The following PIK3R5 variants were observed in gnomAD, a reference collection of about 807,000 sequenced individuals.
PIK3R5 encodes the protein phosphoinositide-3-kinase regulatory subunit 5, also known as phosphoinositide 3-kinase regulatory subunit 5.
PIK3R5 carries 32 observed loss-of-function variants against 94.9 expected under a neutral mutation model. That is an observed-to-expected ratio of 0.34 (90% CI 0.25 to 0.45). The LOEUF (loss-of-function observed/expected upper bound fraction) is 0.45. Ranked by LOEUF, PIK3R5 falls within the 20% of genes least tolerant of loss-of-function variation. The pLI, the probability that PIK3R5 is intolerant of heterozygous loss-of-function variation, is 1.00. For synonymous variants in PIK3R5, 443 were observed against 479.4 expected (o/e 0.92, Z 0.99); for missense variants, 853 against 1,144.6 (o/e 0.75, Z 3.68).
chr17:8,928,262 C>T (rs1430664939), intron 1 of PIK3R5, among the ~76,000 whole-genome samples: 1 of 152,072 alleles, frequency 6.6e-6, no homozygotes, highest in Non-Finnish European at 1.5e-5. Context: ...TAAAACTTGG[C>T]AATGGAGGCT....
intron 1 of PIK3R5, among the ~76,000 whole-genome samples, chr17:8,923,009 T>G (rs1454791704): frequency 6.6e-6 from 1 of 152,060 alleles, no homozygotes; most frequent in Non-Finnish European, 1.5e-5. Context: ...AGACCACAGT[T>G]GTGGTCAAGA....
At chr17:8,953,515 T>C (rs2091414804) in intron 1 of PIK3R5, among the ~76,000 whole-genome samples, 1 of 152,168 alleles carries the variant, frequency 6.6e-6, no homozygotes, top group African/African-American at 2.4e-5. Context: ...ACCCACAGGC[T>C]AATGTGTTGA....
intron 1 of PIK3R5, among the ~76,000 whole-genome samples, chr17:8,959,502 C>G (rs75699931): frequency 0.032 from 4,843 of 152,258 alleles, 92 homozygotes; most frequent in Middle Eastern, 0.068. Flanking sequence ...CTTTCGCTTT[C>G]ATCAGTTTTT....
chr17:8,908,857 C>G (rs1232058454), intron 3 of PIK3R5, among the ~76,000 whole-genome samples: 3 of 152,142 alleles, frequency 2.0e-5, no homozygotes, highest in Non-Finnish European at 4.4e-5. Flanking sequence ...AACTCAGGAC[C>G]CTAGCTCGCG....
In PIK3R5 at chr17:8,881,091, C is replaced by G. The variant is rs115499656; in HGVS notation, c.2383-74G>C. ...GCCAGCCCCTGGCAGTTCCTTTTCT[C>G]AGAACTGCCCATCCACTTCTAGGGG... On this transcript the variant is annotated intron_variant, in intron 17 of 18. Transcript: ENST00000447110. The surrounding 1 kb of genome is among the most constrained non-coding windows in gnomAD (Gnocchi z 4.8). The G allele has an allele frequency of 1.4e-3, 1,514 of 1,077,972 alleles. 11 individuals are homozygous for G. The African/African-American group carries it at 0.019, about 13-fold the overall frequency. 66.8% of individuals were successfully genotyped at this position (1,077,972 alleles called of 1,614,324 possible).
rs2089626879 is a variant in PIK3R5 at position 8,880,500 on chromosome 17, C to T, written c.*139G>A. 1 of 831,920 alleles carries T rather than the reference C, an allele frequency of 1.2e-6. No individual in the cohort carries two copies. The highest frequency in any genetic ancestry group is 1.8e-6 in the Non-Finnish European group (1 of 568,916). 51.5% of individuals were successfully genotyped at this position (831,920 alleles called of 1,614,324 possible). On this transcript the variant is annotated 3_prime_UTR_variant, in exon 19 of 19. Transcript: ENST00000447110. ...GGCCCCAGAAACCCTCTACTCCCAG[C>T]CCCTGCTCATTGCAGGACCCACAGT...
chr17:8,909,991 G>A lies in PIK3R5; in HGVS notation c.104-817C>T, dbSNP rs1346844394. On this transcript the variant is annotated intron_variant, in intron 2 of 18. Coordinates refer to ENST00000447110, the MANE Select transcript of PIK3R5 (RefSeq NM_001142633.3). The surrounding 1 kb of genome is among the most constrained non-coding windows in gnomAD (Gnocchi z 4.3). Reference sequence around the variant, plus strand: ...GGAGCCCAGGAAGGGGAAGCTAAACGAGTTCTATTTTAAAAGCTGCCATGA... The same window carrying A: ...GGAGCCCAGGAAGGGGAAGCTAAACAAGTTCTATTTTAAAAGCTGCCATGA... Among the ~76,000 whole-genome samples the A allele has an allele frequency of 6.6e-6, 1 of 152,222 alleles. No individual in the cohort carries two copies. Among genetic ancestry groups the A allele is most frequent in the African/African-American group, 2.4e-5 (1 of 41,458 alleles).
chr17:8,934,503 G>A (rs8064903), intron 1 of PIK3R5, among the ~76,000 whole-genome samples: 2,559 of 152,206 alleles, frequency 0.017, 74 homozygotes, highest in African/African-American at 0.058. Context: ...TTCATCTATG[G>A]ATTCAATGCA....
Position 8,887,711 on chromosome 17 carries a change from G to A in PIK3R5, c.1617-28C>T, listed in dbSNP as rs1170862212. On this transcript the variant is annotated intron_variant, in intron 10 of 18. Transcript: ENST00000447110. ...GGCAAGAAGAAGATGGTGAGAAGGG[G>A]AATGGGCATGGTGGCTCACGCCTGT... is the stretch of plus-strand genomic sequence containing the variant. 1.0e-5 allele frequency: 16 copies of A among 1,565,724 alleles called. No homozygotes were observed. In the African/African-American group the frequency reaches 1.9e-4, roughly 19 times the overall value.
At chr17:8,960,454 C>T (rs1026056800) in intron 1 of PIK3R5, among the ~76,000 whole-genome samples, 6 of 152,216 alleles carry the variant, frequency 3.9e-5, no homozygotes, top group African/African-American at 1.4e-4. Context: ...GTGAGTTCCA[C>T]GGGGCAGGAA....
chr17:8,954,423 C>T (rs2091432365), intron 1 of PIK3R5, among the ~76,000 whole-genome samples: 1 of 152,214 alleles, frequency 6.6e-6, no homozygotes, highest in Non-Finnish European at 1.5e-5. Context: ...GAAAACACAG[C>T]TCCTGATTGC....
chr17:8,897,929 ATG>A (rs35726243), intron 5 of PIK3R5, among the ~76,000 whole-genome samples: 1 of 151,370 alleles, frequency 6.6e-6, no homozygotes, highest in Non-Finnish European at 1.5e-5. Flanking sequence ...GTGTGTGTGT[ATG>A]TGTGTGTGTG....
chr17:8,916,162 C>T (rs549294827), intron 1 of PIK3R5: 1 of 152,338 alleles, frequency 6.6e-6, no homozygotes, highest in Non-Finnish European at 1.5e-5. Context: ...GAGAGGGAAC[C>T]CAGCCAGGGG....
Position 8,884,643 on chromosome 17 carries a change from G to T in PIK3R5, c.2205+64C>A. The T allele has an allele frequency of 1.5e-6, 2 of 1,337,178 alleles. No individual in the cohort carries two copies. The highest frequency in any genetic ancestry group is 1.8e-5 in the Admixed American group (1 of 56,844). The allele number at this position is 1,337,178 out of a possible 1,614,324, so 82.8% of individuals were successfully genotyped here. A position where few individuals can be genotyped will look rare whatever the true frequency, so the allele number is the denominator to read the frequency against. On this transcript the variant is annotated intron_variant, in intron 15 of 18. Transcript: ENST00000447110. The surrounding 1 kb of genome is among the most constrained non-coding windows in gnomAD (Gnocchi z 5.8). ...CACACGAGTCCAGCTCTGGGTCCAAGCTCTGGCGGAGGAAGTATCAGCAGC... is the reference window on the plus strand; with the variant it reads ...CACACGAGTCCAGCTCTGGGTCCAATCTCTGGCGGAGGAAGTATCAGCAGC...
intron 1 of PIK3R5, among the ~76,000 whole-genome samples, chr17:8,952,962 G>A (rs1027574687): frequency 4.6e-5 from 7 of 152,148 alleles, no homozygotes; most frequent in Non-Finnish European, 8.8e-5. Context: ...CTGGACAGGA[G>A]CCTTGATGGG....
rs1219076952 is a variant in PIK3R5 at position 8,924,200 on chromosome 17, T to C, written c.-13-12693A>G. On this transcript the variant is annotated intron_variant, in intron 1 of 18. Transcript: ENST00000447110. ...CTCAAGCGATCCTCCTGCCTCAGCC[T>C]CTCAAGTAGCTGGAACTACAGGCAC... 3.3e-5 allele frequency among the ~76,000 whole-genome samples: 5 copies of C among 150,702 alleles called. No homozygotes were observed. The East Asian group carries it at 9.8e-4, about 30-fold the overall frequency.
intron 13 of PIK3R5, 72 bp from the exon 14 acceptor site, chr17:8,886,394 C>A (rs2089857987): frequency 1.3e-6 from 2 of 1,596,748 alleles, no homozygotes; most frequent in Admixed American, 1.7e-5. Flanking sequence ...CCAGCATAGA[C>A]CTGCTGGCTC....
rs2089925218 is a variant in PIK3R5 at position 8,888,199 on chromosome 17, T to C, written c.1588A>G (p.Lys530Glu). ...VVFGSDRISG[K>E]VARAYSNLRR... ...AGGTTGCTGTACGCCCGAGCCACCT[T>C]CCCTGAAATCCGATCGGAGCCAAAG... The change falls in exon 10 of 19, where the codon AAG becomes GAG. Residue 530 changes from lysine to glutamate, a missense_variant. Physicochemically the swap from Lys to Glu is moderately conservative, Grantham distance 56 (BLOSUM62 1). This residue lies in a region of PIK3R5 where 319 missense variants were observed against 339.8 expected (regional missense o/e 0.94). Transcript: ENST00000447110. The surrounding 1 kb of genome is among the most constrained non-coding windows in gnomAD (Gnocchi z 7.8). 1 of 1,613,300 alleles carries C rather than the reference T, an allele frequency of 6.2e-7. No homozygotes were observed. The highest frequency in any genetic ancestry group is 8.5e-7 in the Non-Finnish European group (1 of 1,179,952).
chr17:8,942,974 A>ACACACACG (rs1159933843), intron 1 of PIK3R5, among the ~76,000 whole-genome samples: 1 of 151,678 alleles, frequency 6.6e-6, no homozygotes, highest in Non-Finnish European at 1.5e-5. Context: ...ACACACACAC[A>ACACACACG]CACACACACA....
Sources: gnomAD v4.1 joint callset for allele counts (sites outside exome capture counted in the v4.1 genomes callset) on GRCh38, gnomAD v4.1.1 for gene constraint, gnomAD v4.1.1 regional missense constraint, Gnocchi (gnomAD v3.1) non-coding constraint, MANE v1.5 for transcripts, NCBI Gene and HGNC (gene_info 2026-07-23, HGNC 2026-07-21) for gene names.